The following DIAPH3 variants were observed in gnomAD, a reference collection of about 807,000 sequenced individuals.
DIAPH3 encodes the protein diaphanous related formin 3.
In DIAPH3, 117 loss-of-function variants were observed where a neutral mutation model predicts 144.3. The ratio of observed to expected loss-of-function variants is 0.81; its 90% CI spans 0.70 to 0.95. The LOEUF (loss-of-function observed/expected upper bound fraction) is 0.95. Ranked by LOEUF, DIAPH3 falls within the 40% of genes least tolerant of loss-of-function variation. The pLI, the probability that DIAPH3 is intolerant of heterozygous loss-of-function variation, is 0.00. For missense variants in DIAPH3, 1,421 were observed against 1,412.7 expected (o/e 1.01, Z -0.09); for synonymous variants, 519 against 488.9 (o/e 1.06, Z -0.81).
intron 4 of DIAPH3, among the ~76,000 whole-genome samples, chr13:60,081,986 T>C (rs2057573714): frequency 6.6e-6 from 1 of 151,708 alleles, no homozygotes; most frequent in Non-Finnish European, 1.5e-5. Context: ...AGCAGAAAAT[T>C]CCTGTAAAAG....
At chr13:59,671,179 A>C (rs1326325136) in intron 27 of DIAPH3, among the ~76,000 whole-genome samples, 1 of 152,230 alleles carries the variant, frequency 6.6e-6, no homozygotes, top group Non-Finnish European at 1.5e-5. Flanking sequence ...GAGTGATCCC[A>C]CAACCTTGTA....
intron 4 of DIAPH3, among the ~76,000 whole-genome samples, chr13:60,045,903 A>G (rs1384754708): frequency 1.3e-5 from 2 of 152,196 alleles, no homozygotes; most frequent in Non-Finnish European, 2.9e-5. Flanking sequence ...AAAAACAAAA[A>G]CCACCTATCC....
intron 27 of DIAPH3, among the ~76,000 whole-genome samples, chr13:59,716,320 C>T (rs11841009): frequency 0.023 from 3,434 of 152,150 alleles, 94 homozygotes; most frequent in East Asian, 0.13. Flanking sequence ...GGAATACAGG[C>T]GCCCGCCACC....
rs774450341 is a variant in DIAPH3 at position 60,149,892 on chromosome 13, T to G, written c.180+13695A>C. On this transcript the variant is annotated intron_variant, in intron 1 of 27. Coordinates refer to ENST00000400324, the MANE Select transcript of DIAPH3 (RefSeq NM_001042517.2). Reference sequence around the variant, plus strand: ...TTTCATGTTAAAAAAGAAAAAATAATAAATGTCATCATGGCAGGTGGTGGG... The same window carrying G: ...TTTCATGTTAAAAAAGAAAAAATAAGAAATGTCATCATGGCAGGTGGTGGG... Among the ~76,000 whole-genome samples the G allele has an allele frequency of 2.0e-5, 3 of 152,048 alleles. No homozygotes were observed. The South Asian group carries it at 6.2e-4, about 32-fold the overall frequency.
At chr13:60,093,574 T>C in intron 4 of DIAPH3, 54 bp downstream of exon 4, 1 of 1,245,946 alleles carries the variant, frequency 8.0e-7, no homozygotes, top group East Asian at 2.3e-5. Context: ...AATGTGCTGT[T>C]TTCCATGTTA....
At chr13:60,082,448 CCTAA>C (rs1466796099) in intron 4 of DIAPH3, among the ~76,000 whole-genome samples, 1 of 151,144 alleles carries the variant, frequency 6.6e-6, no homozygotes, top group African/African-American at 2.4e-5. Context: ...ACTTGATAAT[CCTAA>C]CTCAGATATC....
chr13:59,820,130 A>G (rs887489501), intron 24 of DIAPH3, among the ~76,000 whole-genome samples: 40 of 152,122 alleles, frequency 2.6e-4, no homozygotes, highest in African/African-American at 9.6e-4. Flanking sequence ...AATTCAAGAA[A>G]AAAACATATG....
intron 22 of DIAPH3, among the ~76,000 whole-genome samples, chr13:59,850,365 G>A (rs1296975526): frequency 1.3e-5 from 2 of 151,256 alleles, no homozygotes; most frequent in Admixed American, 1.3e-4. Flanking sequence ...TGTTGAATAG[G>A]AGCGGTGAGA....
rs147594714 is a variant in DIAPH3, at chr13:59,810,549, C to T, written c.3163+239G>A. Among the ~76,000 whole-genome samples, 28 of 152,184 alleles carry T rather than the reference C, an allele frequency of 1.8e-4. 1 individual carries two copies. The East Asian group carries it at 3.5e-3, about 19-fold the overall frequency. ...TTAAAGAAACGTGAATACGCTGGAA[C>T]GAAAACAGCATAACAGAGGACCAAA... On this transcript the variant is annotated intron_variant, in intron 25 of 27. Coordinates refer to ENST00000400324, the MANE Select transcript of DIAPH3 (RefSeq NM_001042517.2).
chr13:59,946,795 C>A (rs1263049097), intron 17 of DIAPH3, among the ~76,000 whole-genome samples: 1 of 151,868 alleles, frequency 6.6e-6, no homozygotes, highest in Non-Finnish European at 1.5e-5. Context: ...CACTGCCAGG[C>A]ACAACTTTAA....
At chr13:59,842,660 T>C (rs1480159324) in intron 22 of DIAPH3, among the ~76,000 whole-genome samples, 1 of 152,160 alleles carries the variant, frequency 6.6e-6, no homozygotes, top group Non-Finnish European at 1.5e-5. Context: ...CACTCTAGAC[T>C]GACTCGCTAT....
At chr13:60,161,887 GA>G (rs1408970020) in intron 1 of DIAPH3, among the ~76,000 whole-genome samples, 1 of 152,120 alleles carries the variant, frequency 6.6e-6, no homozygotes, top group Non-Finnish European at 1.5e-5. Flanking sequence ...CAAATATTCA[GA>G]AAAGTAGCAG....
chr13:59,938,312 T>C (rs564401039), intron 17 of DIAPH3, among the ~76,000 whole-genome samples: 4 of 152,164 alleles, frequency 2.6e-5, no homozygotes, highest in Non-Finnish European at 1.5e-5. Context: ...ACATCCTATA[T>C]AGCTATTTAT....
At chr13:59,927,502 A>G (rs912370496) in intron 17 of DIAPH3, among the ~76,000 whole-genome samples, 1 of 151,904 alleles carries the variant, frequency 6.6e-6, no homozygotes, top group African/African-American at 2.4e-5. Context: ...TTTTACTTTT[A>G]TGTGTTTTAA....
intron 1 of DIAPH3, among the ~76,000 whole-genome samples, chr13:60,152,618 AT>A (rs1566829849): frequency 6.6e-6 from 1 of 151,852 alleles, no homozygotes; most frequent in Non-Finnish European, 1.5e-5. Flanking sequence ...GGAGATAAAG[AT>A]AAGAAGGGAG....
At chr13:59,987,466 AAAGTAT>A (rs960488624) in intron 12 of DIAPH3, among the ~76,000 whole-genome samples, 7 of 140,906 alleles carry the variant, frequency 5.0e-5, no homozygotes, top group African/African-American at 1.9e-4. Flanking sequence ...CCTAAAACTT[AAAGTAT>A]AATAAAAAAA....
intron 27 of DIAPH3, among the ~76,000 whole-genome samples, chr13:59,680,892 G>A (rs935359401): frequency 1.3e-5 from 2 of 152,150 alleles, no homozygotes; most frequent in African/African-American, 4.8e-5. Context: ...TGCAATTGAT[G>A]GAATCTCATG....
chr13:60,075,901 A>T (rs2057362047), intron 4 of DIAPH3, among the ~76,000 whole-genome samples: 1 of 152,246 alleles, frequency 6.6e-6, no homozygotes, highest in South Asian at 2.1e-4. Context: ...CATGGAATGC[A>T]TATGTGCATT....
At chr13:59,957,601 C>T (rs1230020064) in intron 17 of DIAPH3, among the ~76,000 whole-genome samples, 2 of 152,206 alleles carry the variant, frequency 1.3e-5, no homozygotes, top group Non-Finnish European at 2.9e-5. Context: ...CTGACACAAA[C>T]TGCCGTTTTT....
Sources: gnomAD v4.1 joint callset for allele counts (sites outside exome capture counted in the v4.1 genomes callset) on GRCh38, gnomAD v4.1.1 for gene constraint, MANE v1.5 for transcripts, NCBI Gene and HGNC (gene_info 2026-07-23, HGNC 2026-07-21) for gene names.